The following RUNX1 variants were observed in gnomAD, a reference collection of about 807,000 sequenced individuals.
RUNX1 encodes the protein runt-related transcription factor 1.
RUNX1 carries 19 observed loss-of-function variants against 42.8 expected under a neutral mutation model. That is an observed-to-expected ratio of 0.44 (90% CI 0.31 to 0.65). The LOEUF (loss-of-function observed/expected upper bound fraction) is 0.65. Among genes scored for constraint, RUNX1 ranks in the 30% least tolerant of loss-of-function variants. RUNX1 has a pLI of 0.07. For missense variants in RUNX1, 528 were observed against 672.0 expected (o/e 0.79, Z 2.37); for synonymous variants, 271 against 289.4 (o/e 0.94, Z 0.64).
At chr21:35,025,639 C>G (rs2059230034) in intron 2 of RUNX1, among the ~76,000 whole-genome samples, 1 of 152,104 alleles carries the variant, frequency 6.6e-6, no homozygotes, top group African/African-American at 2.4e-5. Flanking sequence ...ATATACGGGT[C>G]TCTATATTTA....
chr21:34,813,545 A>C (rs1347590777), intron 7 of RUNX1, among the ~76,000 whole-genome samples: 1 of 151,884 alleles, frequency 6.6e-6, no homozygotes, highest in Non-Finnish European at 1.5e-5. Flanking sequence ...TCCCCATGTA[A>C]GGTTTAAGGC....
intron 2 of RUNX1, among the ~76,000 whole-genome samples, chr21:34,953,926 A>T (rs1316797034): frequency 6.6e-6 from 1 of 152,254 alleles, no homozygotes; most frequent in Non-Finnish European, 1.5e-5. Context: ...TCAGTAAGCA[A>T]AAGAAAGCCT....
chr21:34,995,016 T>C (rs1169927343), intron 2 of RUNX1, among the ~76,000 whole-genome samples: 1 of 152,134 alleles, frequency 6.6e-6, no homozygotes, highest in Non-Finnish European at 1.5e-5. Flanking sequence ...TAGGAGAACA[T>C]GAATCAGCCC....
rs956277158 is a variant in RUNX1 at position 34,791,018 on chromosome 21, T to A, written c.*1117A>T. On this transcript the variant is annotated 3_prime_UTR_variant, in exon 9 of 9. Coordinates refer to ENST00000675419, the MANE Select transcript of RUNX1 (RefSeq NM_001754.5). ...TCTGGAACTAGATTGACCTTCTCTG[T>A]TTTAAGGAGGAAGTTAGATATGAGA... 8 of 233,512 alleles carry A rather than the reference T, an allele frequency of 3.4e-5. No individual in the cohort carries two copies. The highest frequency in any genetic ancestry group is 5.9e-5 in the Non-Finnish European group (7 of 118,038). 14.5% of individuals were successfully genotyped at this position (233,512 alleles called of 1,614,324 possible).
intron 5 of RUNX1, among the ~76,000 whole-genome samples, chr21:34,864,140 C>T (rs942639989): frequency 2.0e-5 from 3 of 152,238 alleles, no homozygotes; most frequent in African/African-American, 7.2e-5. Context: ...GTGGCCCTGC[C>T]CTCTCTGTGG....
intron 5 of RUNX1, among the ~76,000 whole-genome samples, chr21:34,868,584 C>T (rs527570859): frequency 2.1e-4 from 32 of 152,304 alleles, no homozygotes; most frequent in Admixed American, 1.9e-3. Flanking sequence ...ATGCCTCCAC[C>T]GGGTTAGTCT....
intron 2 of RUNX1, among the ~76,000 whole-genome samples, chr21:35,040,292 T>TG: frequency 6.6e-6 from 1 of 152,300 alleles, no homozygotes; most frequent in East Asian, 1.9e-4. Flanking sequence ...AAACTGCTCC[T>TG]GAAAAAAATG....
Position 34,790,669 on chromosome 21 carries a change from C to T in RUNX1, c.*1466G>A, listed in dbSNP as rs144796880. ...GGGTCTCAGCCTGGTGAAAGCAACA[C>T]AAAGATGTTGTTGAGTGAGCAGCAC... On this transcript the variant is annotated 3_prime_UTR_variant, in exon 9 of 9. Coordinates refer to ENST00000675419, the MANE Select transcript of RUNX1 (RefSeq NM_001754.5). 1,928 of 233,290 alleles carry T rather than the reference C, an allele frequency of 8.3e-3. 8 individuals are homozygous for T. Among genetic ancestry groups the T allele is most frequent in the Middle Eastern group, 0.011 (9 of 786 alleles). 14.5% of individuals were successfully genotyped at this position (233,290 alleles called of 1,614,324 possible).
intron 2 of RUNX1, among the ~76,000 whole-genome samples, chr21:34,993,307 T>C (rs868681534): frequency 1.3e-5 from 2 of 152,042 alleles, no homozygotes; most frequent in Non-Finnish European, 2.9e-5. Context: ...TAAGGTAAGA[T>C]GTAGGGTAGA....
At chr21:34,960,776 T>TA (rs1353150683) in intron 2 of RUNX1, among the ~76,000 whole-genome samples, 3 of 152,188 alleles carry the variant, frequency 2.0e-5, no homozygotes, top group Non-Finnish European at 2.9e-5. Context: ...AACAAACTCT[T>TA]AGTGTTTAAT....
intron 5 of RUNX1, among the ~76,000 whole-genome samples, chr21:34,870,279 A>G (rs2057718536): frequency 6.6e-6 from 1 of 151,856 alleles, no homozygotes; most frequent in South Asian, 2.1e-4. Flanking sequence ...AAAAGTAACA[A>G]CTCCTAACCT....
At chr21:35,001,141 G>A (rs371476382) in intron 2 of RUNX1, among the ~76,000 whole-genome samples, 9 of 151,658 alleles carry the variant, frequency 5.9e-5, no homozygotes, top group African/African-American at 1.9e-4. Context: ...TCTCTTTACC[G>A]TCTCTATAAT....
At chr21:35,009,088 T>C (rs1032066526) in intron 2 of RUNX1, among the ~76,000 whole-genome samples, 3 of 152,164 alleles carry the variant, frequency 2.0e-5, no homozygotes, top group Admixed American at 2.0e-4. Context: ...CAAAAGGAAA[T>C]CTGGTCTATC....
At chr21:34,928,747 T>G (rs1375940924) in intron 2 of RUNX1, among the ~76,000 whole-genome samples, 1 of 152,012 alleles carries the variant, frequency 6.6e-6, no homozygotes, top group Non-Finnish European at 1.5e-5. Context: ...AGTTATATGT[T>G]TCTTGAGATA....
At chr21:34,996,793 C>T (rs2059000303) in intron 2 of RUNX1, among the ~76,000 whole-genome samples, 1 of 151,990 alleles carries the variant, frequency 6.6e-6, no homozygotes, top group African/African-American at 2.4e-5. Flanking sequence ...CACAACATTC[C>T]TCCTGAGCTT....
intron 2 of RUNX1, among the ~76,000 whole-genome samples, chr21:34,921,084 A>T (rs4816499): frequency 6.6e-6 from 1 of 152,058 alleles, no homozygotes; most frequent in Non-Finnish European, 1.5e-5. Flanking sequence ...GTCTTAAACA[A>T]CTGACCTCAA....
chr21:34,839,276 A>G (rs569758946), intron 6 of RUNX1, among the ~76,000 whole-genome samples: 4 of 151,016 alleles, frequency 2.6e-5, no homozygotes, highest in African/African-American at 9.9e-5. Context: ...CACTCAGTGC[A>G]CCTAGAAATT....
At chr21:34,857,014 G>A (rs546524123) in intron 6 of RUNX1, among the ~76,000 whole-genome samples, 12 of 152,272 alleles carry the variant, frequency 7.9e-5, no homozygotes, top group African/African-American at 2.9e-4. Context: ...GCTTCACAGG[G>A]CAAATAGAAA....
intron 2 of RUNX1, among the ~76,000 whole-genome samples, chr21:34,938,552 C>T (rs2058503509): frequency 6.6e-6 from 1 of 152,014 alleles, no homozygotes. Context: ...CTTCCTCCTC[C>T]CTCTCTTCCT....
Sources: allele counts gnomAD v4.1 joint callset (sites outside exome capture counted in the v4.1 genomes callset), GRCh38; gene constraint gnomAD v4.1.1; transcripts MANE v1.5; gene names NCBI Gene and HGNC (gene_info 2026-07-23, HGNC 2026-07-21).